The following FBXO31 variants were observed in gnomAD, a reference collection of about 807,000 sequenced individuals.
FBXO31 encodes F-box only protein 31.
A neutral mutation model predicts 54.4 loss-of-function variants in FBXO31; 24 were observed. The observed-to-expected ratio is 0.44, with a 90% CI of 0.32 to 0.62. The LOEUF (loss-of-function observed/expected upper bound fraction) is 0.62. FBXO31 is among the 20% of genes least tolerant of loss of function. The pLI, the probability that FBXO31 is intolerant of heterozygous loss-of-function variation, is 0.05. For synonymous variants in FBXO31, 388 were observed against 335.6 expected (o/e 1.16, Z -1.71); for missense variants, 665 against 787.1 (o/e 0.84, Z 1.86).
intron 1 of FBXO31, among the ~76,000 whole-genome samples, chr16:87,381,773 C>T (rs1907089061): frequency 6.6e-6 from 1 of 152,102 alleles, no homozygotes; most frequent in Non-Finnish European, 1.5e-5. Flanking sequence ...GCCTGTAATC[C>T]CAACACTTTG....
chr16:87,359,357 C>T (rs1906034167), intron 2 of FBXO31, among the ~76,000 whole-genome samples: 1 of 152,196 alleles, frequency 6.6e-6, no homozygotes, highest in African/African-American at 2.4e-5. Context: ...GGACTCAGTG[C>T]TCAGGCAACA....
intron 5 of FBXO31, among the ~76,000 whole-genome samples, chr16:87,342,369 T>C (rs1700747128): frequency 6.6e-6 from 1 of 152,128 alleles, no homozygotes; most frequent in Non-Finnish European, 1.5e-5. Context: ...AAGAGTATTT[T>C]GAGAGGGCAG....
rs1162813266 is a variant in FBXO31, at chr16:87,346,588, G to A, written c.489+586C>T. 3.9e-5 allele frequency among the ~76,000 whole-genome samples: 6 copies of A among 152,138 alleles called. No individual in the cohort carries two copies. Among genetic ancestry groups the A allele is most frequent in the South Asian group, 4.1e-4 (2 of 4,830 alleles). The stretch of plus-strand genomic sequence containing the variant: ...AGACCCCAACGGCAAGCAGGCTGCC[G>A]GGAGAAGGGAAACGGAGACGACTCT... On this transcript the variant is annotated intron_variant, in intron 3 of 8. Coordinates refer to ENST00000311635, the MANE Select transcript of FBXO31 (RefSeq NM_024735.5). The surrounding 1 kb of genome is among the most constrained non-coding windows in gnomAD (Gnocchi z 4.2).
chr16:87,365,010 A>ACTATATATATATAT (rs1906293303), intron 1 of FBXO31, among the ~76,000 whole-genome samples: 1 of 47,684 alleles, frequency 2.1e-5, no homozygotes, highest in Non-Finnish European at 3.6e-5. Flanking sequence ...CCGTCTCTTA[A>ACTATATATATATAT]ATATATATAT....
chr16:87,364,986 G>C (rs1173814629), intron 1 of FBXO31, among the ~76,000 whole-genome samples: 5 of 91,336 alleles, frequency 5.5e-5, no homozygotes, highest in Non-Finnish European at 1.1e-4. Flanking sequence ...CAGCCTGAGT[G>C]ACAGAGCGAG....
intron 1 of FBXO31, among the ~76,000 whole-genome samples, chr16:87,373,514 C>T (rs1367939507): frequency 6.7e-6 from 1 of 149,528 alleles, no homozygotes; most frequent in Admixed American, 6.9e-5. Context: ...TATATATACA[C>T]ATACATACCT....
chr16:87,331,533 C>T lies in FBXO31; in HGVS notation c.1398-23G>A, dbSNP rs371534538. On this transcript the variant is annotated intron_variant, in intron 8 of 8. Coordinates refer to ENST00000311635, the MANE Select transcript of FBXO31 (RefSeq NM_024735.5). ...AAACTGAGCAGAAACAAGAGGGAAA[C>T]TGTGAGCTGGGGGAGGGCTGAGTCA... 1.8e-5 allele frequency: 28 copies of T among 1,572,956 alleles called. No homozygotes were observed. The African/African-American group carries it at 3.4e-4, about 19-fold the overall frequency.
At chr16:87,370,600 T>G (rs1444176106) in intron 1 of FBXO31, among the ~76,000 whole-genome samples, 1 of 152,064 alleles carries the variant, frequency 6.6e-6, no homozygotes, top group East Asian at 1.9e-4. Context: ...GAGGAGGCAG[T>G]GGGGTGACCC....
Position 87,329,441 on chromosome 16 carries a change from G to T in FBXO31, c.*1847C>A, listed in dbSNP as rs372069665. The T allele has an allele frequency of 6.6e-6, 1 of 152,302 alleles. No homozygotes were observed. Among genetic ancestry groups the T allele is most frequent in the Non-Finnish European group, 1.5e-5 (1 of 68,064 alleles). The allele number at this position is 152,302 out of a possible 1,614,324, so 9.4% of individuals were successfully genotyped here. ...ACTGCGTCCCTTAGAGCGAGGCTCG[G>T]GCTCTTGGTAAAAAAGCATTTGCTT... On this transcript the variant is annotated 3_prime_UTR_variant, in exon 9 of 9. Transcript: ENST00000311635.
At chr16:87,371,622 G>A (rs1232548023) in intron 1 of FBXO31, among the ~76,000 whole-genome samples, 1 of 152,240 alleles carries the variant, frequency 6.6e-6, no homozygotes, top group Admixed American at 6.5e-5. Flanking sequence ...GAGACAGCAG[G>A]GACACACTTG....
chr16:87,336,154 C>A lies in FBXO31; in HGVS notation c.842+1G>T. 1 of 1,613,584 alleles carries A rather than the reference C, an allele frequency of 6.2e-7. No individual in the cohort carries two copies. Among genetic ancestry groups the A allele is most frequent in the Non-Finnish European group, 8.5e-7 (1 of 1,179,498 alleles). ...CAGCACCGAGCAGGAGCCGCACTCACTCGTACTGACTGGTGTAGATGAACT... is the reference window on the plus strand; with the variant it reads ...CAGCACCGAGCAGGAGCCGCACTCAATCGTACTGACTGGTGTAGATGAACT... On this transcript the variant is annotated splice_donor_variant, in intron 6 of 8. Coordinates refer to ENST00000311635, the MANE Select transcript of FBXO31 (RefSeq NM_024735.5). LOFTEE classifies it high-confidence loss of function. This position sits in a 1 kb window ranked among gnomAD's most constrained non-coding sequence, Gnocchi z 6.5.
chr16:87,335,263 G>A lies in FBXO31; in HGVS notation c.996+41C>T, dbSNP rs767511784. The A allele has an allele frequency of 1.2e-6, 2 of 1,608,832 alleles. No homozygotes were observed. Among genetic ancestry groups the A allele is most frequent in the East Asian group, 2.2e-5 (1 of 44,862 alleles). Reference sequence around the variant, plus strand: ...TGACTCCACAGCCCACTTGGGCCAGGTGCCCCCAGAGCCCCACCAACCAGG... The same window carrying A: ...TGACTCCACAGCCCACTTGGGCCAGATGCCCCCAGAGCCCCACCAACCAGG... On this transcript the variant is annotated intron_variant, in intron 7 of 8. Transcript: ENST00000311635. The surrounding 1 kb of genome is among the most constrained non-coding windows in gnomAD (Gnocchi z 5.7).
At chr16:87,379,847 C>T (rs1567490704) in intron 1 of FBXO31, among the ~76,000 whole-genome samples, 1 of 151,962 alleles carries the variant, frequency 6.6e-6, no homozygotes, top group East Asian at 2.0e-4. Flanking sequence ...CTTGGCCTCC[C>T]AAAGTGCTGG....
chr16:87,372,461 C>T (rs1270584874), intron 1 of FBXO31, among the ~76,000 whole-genome samples: 1 of 152,212 alleles, frequency 6.6e-6, no homozygotes, highest in Non-Finnish European at 1.5e-5. Context: ...CATGGTGTTG[C>T]TACTGCCTGG....
chr16:87,383,746 C>T lies in FBXO31; in HGVS notation c.-2G>A, dbSNP rs1170585334. ...GCAAAGGCGAGCACACACCGCCATG[C>T]CGCCCAGTGACGGCCACTGCTGCCG... On this transcript the variant is annotated 5_prime_UTR_variant, in exon 1 of 9. Coordinates refer to ENST00000311635, the MANE Select transcript of FBXO31 (RefSeq NM_024735.5). This position sits in a 1 kb window ranked among gnomAD's most constrained non-coding sequence, Gnocchi z 4.9. 5 of 1,210,126 alleles carry T rather than the reference C, an allele frequency of 4.1e-6. No individual in the cohort carries two copies. In the East Asian group the frequency reaches 1.4e-4, roughly 35 times the overall value. The allele number at this position is 1,210,126 out of a possible 1,614,324, so 75.0% of individuals were successfully genotyped here.
upstream of FBXO31, among the ~76,000 whole-genome samples, chr16:87,387,203 A>G (rs1907353291): frequency 6.6e-6 from 1 of 152,194 alleles, no homozygotes; most frequent in South Asian, 2.1e-4. Flanking sequence ...AAGGAACCCA[A>G]GGGGAAAGAC....
intron 2 of FBXO31, among the ~76,000 whole-genome samples, chr16:87,355,448 G>A (rs922743628): frequency 4.6e-5 from 7 of 152,212 alleles, no homozygotes; most frequent in Non-Finnish European, 8.8e-5. Flanking sequence ...GGTTGAGGCT[G>A]TTGAAATTGG....
At chr16:87,385,144 C>T (rs1469086571), upstream of FBXO31, among the ~76,000 whole-genome samples, 1 of 151,280 alleles carries the variant, frequency 6.6e-6, no homozygotes, top group East Asian at 1.9e-4. Context: ...CATAGTGAGA[C>T]GCCCCCATCT....
chr16:87,384,369 G>T (rs968608269), upstream of FBXO31, among the ~76,000 whole-genome samples: 1 of 152,202 alleles, frequency 6.6e-6, no homozygotes, highest in African/African-American at 2.4e-5. Flanking sequence ...CGGGGATCCC[G>T]AGCTCCCTGC....
Sources: allele counts gnomAD v4.1 joint callset (sites outside exome capture counted in the v4.1 genomes callset), GRCh38; gene constraint gnomAD v4.1.1; non-coding constraint Gnocchi (gnomAD v3.1); transcripts MANE v1.5; gene names NCBI Gene and HGNC (gene_info 2026-07-23, HGNC 2026-07-21).